The following RGS6 variants were observed in gnomAD, a reference collection of about 807,000 sequenced individuals.
RGS6 encodes the protein regulator of G-protein signaling 6.
A neutral mutation model predicts 78.5 loss-of-function variants in RGS6; 30 were observed. That is an observed-to-expected ratio of 0.38 (90% CI 0.29 to 0.52). The LOEUF (loss-of-function observed/expected upper bound fraction) is 0.52. RGS6 is among the 20% of genes least tolerant of loss of function. The pLI, the probability that RGS6 is intolerant of heterozygous loss-of-function variation, is 0.85. For synonymous variants in RGS6, 206 were observed against 206.0 expected, an observed-to-expected ratio of 1.00 and a Z score of 0.00; for missense variants, 495 against 609.7, an observed-to-expected ratio of 0.81 and a Z score of 1.98.
chr14:72,167,499 G>A (rs1252080352), intron 2 of RGS6, among the ~76,000 whole-genome samples: 1 of 152,218 alleles, frequency 6.6e-6, no homozygotes, highest in Non-Finnish European at 1.5e-5. Flanking sequence ...GATCTTTGGA[G>A]ACCATCATAG....
chr14:72,243,589 C>T (rs1351483961), intron 2 of RGS6, among the ~76,000 whole-genome samples: 1 of 152,180 alleles, frequency 6.6e-6, no homozygotes, highest in African/African-American at 2.4e-5. Flanking sequence ...AGGCATAAAT[C>T]ACTTGGTGAA....
chr14:71,970,759 A>G (rs2093751929), intron 2 of RGS6, among the ~76,000 whole-genome samples: 1 of 152,176 alleles, frequency 6.6e-6, no homozygotes, highest in East Asian at 1.9e-4. Flanking sequence ...ATGAGCCCAC[A>G]GGCCAGCTGG....
chr14:72,186,634 C>T (rs889150448), intron 2 of RGS6, among the ~76,000 whole-genome samples: 1 of 152,074 alleles, frequency 6.6e-6, no homozygotes, highest in African/African-American at 2.4e-5. Context: ...CTGATTCTAA[C>T]CCTCCTGCTC....
intron 2 of RGS6, among the ~76,000 whole-genome samples, chr14:72,216,998 G>A (rs1431884635): frequency 6.6e-6 from 1 of 152,162 alleles, no homozygotes; most frequent in Non-Finnish European, 1.5e-5. Flanking sequence ...GGCACATTCG[G>A]AGGTGTGTGT....
chr14:72,151,702 A>G (rs901292311), intron 2 of RGS6, among the ~76,000 whole-genome samples: 4 of 152,186 alleles, frequency 2.6e-5, no homozygotes, highest in African/African-American at 9.6e-5. Flanking sequence ...CATACTTGGC[A>G]TACACATTGT....
chr14:72,138,449 G>GTTTTTTTT (rs71448384), intron 2 of RGS6, among the ~76,000 whole-genome samples: 2 of 86,646 alleles, frequency 2.3e-5, no homozygotes, highest in Non-Finnish European at 4.5e-5. Context: ...ACCTGTACCT[G>GTTTTTTTT]TTTTTTTTTT....
chr14:72,051,901 C>T (rs546170967), intron 2 of RGS6, among the ~76,000 whole-genome samples: 61 of 152,124 alleles, frequency 4.0e-4, no homozygotes, highest in Non-Finnish European at 8.1e-4. Context: ...ATTCTCCTTC[C>T]TGCAACCCTA....
the RGS6 span, among the ~76,000 whole-genome samples, chr14:71,916,481 T>C: frequency 6.6e-6 from 1 of 152,296 alleles, no homozygotes; most frequent in East Asian, 1.9e-4. Flanking sequence ...AAATACGTTT[T>C]TTTGACCAAG....
chr14:72,294,262 C>T (rs868789865), intron 2 of RGS6, among the ~76,000 whole-genome samples: 1 of 152,188 alleles, frequency 6.6e-6, no homozygotes, highest in African/African-American at 2.4e-5. Flanking sequence ...ATCCCAATGG[C>T]TGTTATTGAA....
intron 2 of RGS6, among the ~76,000 whole-genome samples, chr14:72,086,756 A>G (rs2095056190): frequency 6.6e-6 from 1 of 152,218 alleles, no homozygotes; most frequent in Non-Finnish European, 1.5e-5. Flanking sequence ...AACTCTCTGA[A>G]GCTAACTAGT....
At chr14:72,124,927 G>A (rs1007783792) in intron 2 of RGS6, among the ~76,000 whole-genome samples, 2 of 152,186 alleles carry the variant, frequency 1.3e-5, no homozygotes, top group Admixed American at 6.5e-5. Flanking sequence ...AGAGAAGGTG[G>A]CAGTGCTAGA....
At position 72,156,453 on chromosome 14, in the gene RGS6, CAAAAAAAAA is replaced by C. The variant is rs11332387; in HGVS notation, c.84+191595_84+191603del. 5.2e-5 allele frequency among the ~76,000 whole-genome samples: 4 copies of C among 76,768 alleles called. No homozygotes were observed. In the South Asian group the frequency reaches 1.5e-3, roughly 29 times the overall value. The allele number at this position is 76,768 out of a possible 152,430, so 50.4% of individuals were successfully genotyped here. The stretch of plus-strand genomic sequence containing the variant: ...TGGGTGACAGGGTGAGACTCCATCT[CAAAAAAAAA>C]AAAAAAAAAAAAAAAATAGTGGTGG... On this transcript the variant is annotated intron_variant, in intron 2 of 17. Coordinates refer to ENST00000553525, the MANE Select transcript of RGS6 (RefSeq NM_001204424.2).
chr14:72,380,866 A>AC (rs1374090050), intron 3 of RGS6, among the ~76,000 whole-genome samples: 1 of 152,006 alleles, frequency 6.6e-6, no homozygotes, highest in African/African-American at 2.4e-5. Flanking sequence ...GGACATCTAC[A>AC]CCCCCATGCT....
chr14:72,456,607 G>A (rs775797120), intron 4 of RGS6, among the ~76,000 whole-genome samples: 4 of 152,236 alleles, frequency 2.6e-5, no homozygotes, highest in African/African-American at 9.6e-5. Context: ...ATTGGCCAAC[G>A]TCTAAGCAAA....
chr14:72,319,562 C>T (rs576938277), intron 2 of RGS6, among the ~76,000 whole-genome samples: 14 of 152,034 alleles, frequency 9.2e-5, no homozygotes, highest in African/African-American at 3.1e-4. Flanking sequence ...ACTATGGTCT[C>T]GATCTCCTGA....
intron 3 of RGS6, among the ~76,000 whole-genome samples, chr14:72,385,624 A>G (rs1414790212): frequency 6.6e-6 from 1 of 152,140 alleles, no homozygotes; most frequent in Non-Finnish European, 1.5e-5. Context: ...GGTGAGACTA[A>G]GGAAGCTGAC....
chr14:72,431,488 G>T (rs1277567240), intron 3 of RGS6, among the ~76,000 whole-genome samples: 2 of 151,868 alleles, frequency 1.3e-5, no homozygotes, highest in Non-Finnish European at 2.9e-5. Flanking sequence ...AAGTAGCTGG[G>T]ATTACATGCA....
chr14:71,878,936 GC>G, the RGS6 span, among the ~76,000 whole-genome samples: 1 of 152,104 alleles, frequency 6.6e-6, no homozygotes, highest in Non-Finnish European at 1.5e-5. Flanking sequence ...CCAAACTTTT[GC>G]TTTTGTGTGT....
At chr14:72,110,356 A>G (rs2095729564) in intron 2 of RGS6, among the ~76,000 whole-genome samples, 1 of 152,218 alleles carries the variant, frequency 6.6e-6, no homozygotes, top group Non-Finnish European at 1.5e-5. Context: ...TGTTCTGGGT[A>G]ACAAATAATA....
Sources: allele counts gnomAD v4.1 joint callset (sites outside exome capture counted in the v4.1 genomes callset), GRCh38; gene constraint gnomAD v4.1.1; transcripts MANE v1.5; gene names NCBI Gene and HGNC (gene_info 2026-07-23, HGNC 2026-07-21).